The following NFATC3 variants were observed in gnomAD, a reference collection of about 807,000 sequenced individuals.
The protein encoded by NFATC3 is nuclear factor of activated T cells 3.
A neutral mutation model predicts 98.6 loss-of-function variants in NFATC3; 46 were observed. The ratio of observed to expected loss-of-function variants is 0.47; its 90% CI spans 0.37 to 0.60. The LOEUF (loss-of-function observed/expected upper bound fraction) is 0.60. NFATC3 is among the 20% of genes least tolerant of loss of function. The pLI is 0.00. For synonymous variants in NFATC3, 512 were observed against 472.2 expected, an observed-to-expected ratio of 1.08 and a Z score of -1.09; for missense variants, 1,256 against 1,295.5, an observed-to-expected ratio of 0.97 and a Z score of 0.47.
At chr16:68,128,038 T>C (rs2036932139) in intron 3 of NFATC3, among the ~76,000 whole-genome samples, 1 of 152,156 alleles carries the variant, frequency 6.6e-6, no homozygotes, top group Non-Finnish European at 1.5e-5. Flanking sequence ...TTGGATTCTA[T>C]GTTCCATGGG....
chr16:68,162,770 C>T (rs537926952), intron 4 of NFATC3, among the ~76,000 whole-genome samples: 1 of 150,278 alleles, frequency 6.7e-6, no homozygotes, highest in East Asian at 2.0e-4. Flanking sequence ...TTTAATTGAT[C>T]ATTCTTGGGT....
At chr16:68,089,280 T>C in intron 1 of NFATC3, 1 of 985,332 alleles carries the variant, frequency 1.0e-6, no homozygotes, top group Non-Finnish European at 1.2e-6. Context: ...AAGTGCTAAT[T>C]AGATGATGTG....
At chr16:68,205,326 C>A (rs988599623) in intron 9 of NFATC3, among the ~76,000 whole-genome samples, 15 of 152,110 alleles carry the variant, frequency 9.9e-5, no homozygotes, top group Admixed American at 3.3e-4. Flanking sequence ...TGGCTCACTG[C>A]AGCCTCGACC....
intron 9 of NFATC3, chr16:68,199,749 G>A: frequency 6.6e-6 from 1 of 151,258 alleles, no homozygotes; most frequent in Non-Finnish European, 1.5e-5. Context: ...ACCATGCCCG[G>A]CTAATTTTTT....
Position 68,226,426 on chromosome 16 carries a change from C to A in NFATC3, c.3183C>A (p.Leu1061=), listed in dbSNP as rs2042039696. The A allele has an allele frequency of 1.9e-6, 3 of 1,568,022 alleles. No homozygotes were observed. The South Asian group carries it at 3.6e-5, about 19-fold the overall frequency. Residue 1061 remains leucine (L), a synonymous_variant, in exon 10 of 10, where the codon CTC becomes CTA. Transcript: ENST00000346183. ...QGAGVSRQAP[L]PSPESLDLGR... is the part of the protein sequence containing the mutation. Reference sequence around the variant, plus strand: ...CAGGGGTGAGCAGGCAGGCTCCCCTCCCGAGTCCTGAGTCCCTGGATTTAG... The same window carrying A: ...CAGGGGTGAGCAGGCAGGCTCCCCTACCGAGTCCTGAGTCCCTGGATTTAG...
chr16:68,182,184 A>G (rs2039976612), intron 7 of NFATC3, among the ~76,000 whole-genome samples: 1 of 152,240 alleles, frequency 6.6e-6, no homozygotes, highest in South Asian at 2.1e-4. Context: ...GAGAAAGAAC[A>G]TATGTAGTGG....
At position 68,158,012 on chromosome 16, in the gene NFATC3, T is replaced by G. The variant is rs777560476; in HGVS notation, c.1545T>G (p.Ile515Met). Residue 515 changes from isoleucine (I) to methionine (M), a missense_variant, in exon 4 of 10, where the codon ATT (isoleucine) becomes ATG (methionine). Ile to Met is a conservative substitution (Grantham distance 10). Around this residue, in one of 3 missense-constraint regions of NFATC3, gnomAD observed 156 missense variants for 212.4 expected, o/e 0.73. Coordinates refer to ENST00000346183, the MANE Select transcript of NFATC3 (RefSeq NM_173165.3). ...CTACTGCAAGCCAAGAGATAATAATTGCCAGTACAAAAGTTCTGGAAATTC... is the reference window on the plus strand; with the variant it reads ...CTACTGCAAGCCAAGAGATAATAATGGCCAGTACAAAAGTTCTGGAAATTC... Reference protein sequence around the residue: ...TVATASQEIIIASTKVLEIPL... With the variant: ...TVATASQEIIMASTKVLEIPL... The G allele has an allele frequency of 6.2e-6, 10 of 1,613,764 alleles. No homozygotes were observed. The Admixed American group carries it at 8.3e-5, about 13-fold the overall frequency.
At chr16:68,148,509 A>G (rs890449324) in intron 3 of NFATC3, among the ~76,000 whole-genome samples, 7 of 152,234 alleles carry the variant, frequency 4.6e-5, no homozygotes, top group Admixed American at 6.5e-5. Flanking sequence ...AATGTAATAA[A>G]TTGAACAGGT....
Position 68,104,653 on chromosome 16 carries a change from G to GTTTTTTTTTTTTTTT in NFATC3, c.104-17332_104-17318dup, listed in dbSNP as rs778016298. ...GTTAGCTGTGGGCTTTTCACAAATG[G>GTTTTTTTTTTTTTTT]TTTTTTTTTTTTTTTTGAAATGGAG... On this transcript the variant is annotated intron_variant, in intron 1 of 9. Coordinates refer to ENST00000346183, the MANE Select transcript of NFATC3 (RefSeq NM_173165.3). Among the ~76,000 whole-genome samples, 67 of 126,672 alleles carry GTTTTTTTTTTTTTTT rather than the reference G, an allele frequency of 5.3e-4. 1 individual carries two copies. Among genetic ancestry groups the GTTTTTTTTTTTTTTT allele is most frequent in the African/African-American group, 1.9e-3 (62 of 31,838 alleles). 83.1% of individuals were successfully genotyped at this position (126,672 alleles called of 152,430 possible). A position where few individuals can be genotyped will look rare whatever the true frequency, so the allele number is the denominator to read the frequency against.
chr16:68,176,746 T>C (rs1024065730), intron 6 of NFATC3, among the ~76,000 whole-genome samples: 1 of 152,206 alleles, frequency 6.6e-6, no homozygotes, highest in Non-Finnish European at 1.5e-5. Flanking sequence ...GGATCATTTT[T>C]CATTTTCTTA....
rs75415292 is a variant in NFATC3, at chr16:68,096,354, T to C, written c.103+10570T>C. On this transcript the variant is annotated intron_variant, in intron 1 of 9. Coordinates refer to ENST00000346183, the MANE Select transcript of NFATC3 (RefSeq NM_173165.3). ...GTTGTTAAAGGATAAAATAGAAGAA[T>C]ATGTAGAAGAAGAGAAAGTAGTAAC... Among the ~76,000 whole-genome samples the C allele has an allele frequency of 6.9e-3, 1,055 of 152,276 alleles. 17 individuals are homozygous for C. Among genetic ancestry groups the C allele is most frequent in the African/African-American group, 0.024 (983 of 41,552 alleles).
At position 68,190,886 on chromosome 16, in the gene NFATC3, T is replaced by C. The variant is rs1427013881; in HGVS notation, c.2217T>C (p.Ser739=). 2.5e-6 allele frequency: 4 copies of C among 1,614,108 alleles called. No homozygotes were observed. In the East Asian group the frequency reaches 8.9e-5, roughly 36 times the overall value. Residue 739 remains serine (S), a synonymous_variant, in exon 9 of 10, where the codon AGT becomes AGC. Transcript: ENST00000346183. The part of the protein sequence containing the change: ...PSSDSGCSHD[S]VLSGQRSLIC... ...CTGATTCAGGGTGTTCACATGACAG[T>C]GTACTGTCAGGACAGAGAAGTTTGA...
At position 68,228,390 on chromosome 16, in the gene NFATC3, CTT is replaced by C. The variant is rs1199566568; in HGVS notation, c.*1922_*1923del. The C allele has an allele frequency of 6.6e-6, 1 of 152,170 alleles. No homozygotes were observed. Among genetic ancestry groups the C allele is most frequent in the Non-Finnish European group, 1.5e-5 (1 of 68,018 alleles). The allele number at this position is 152,170 out of a possible 1,614,324, so 9.4% of individuals were successfully genotyped here. ...AGAAATGGCCAGACTTGCCCCTACC[CTT>C]TTGCCCCTGGTGTAGCTGCCTCACA... On this transcript the variant is annotated 3_prime_UTR_variant, in exon 10 of 10. Transcript: ENST00000346183.
chr16:68,149,870 G>A (rs1488184304), intron 3 of NFATC3, among the ~76,000 whole-genome samples: 1 of 152,222 alleles, frequency 6.6e-6, no homozygotes, highest in East Asian at 1.9e-4. Context: ...AAAGTTGTCT[G>A]TGTAGACTAT....
At position 68,191,306 on chromosome 16, in the gene NFATC3, G is replaced by T. The variant is rs1375531608; in HGVS notation, c.2637G>T (p.Leu879=). 2 of 1,614,128 alleles carry T rather than the reference G, an allele frequency of 1.2e-6. No homozygotes were observed. The change falls in exon 9 of 10, where the codon CTG becomes CTT. Residue 879 remains leucine (L), a synonymous_variant. Transcript: ENST00000346183. The part of the protein sequence containing the change: ...TPHSVHTLPH[L]QSMGYHCSNT... ...ATTCTGTGCATACCCTGCCTCATCTGCAATCAATGGGATATCATTGTTCAA... is the reference window on the plus strand; with the variant it reads ...ATTCTGTGCATACCCTGCCTCATCTTCAATCAATGGGATATCATTGTTCAA...
At position 68,191,656 on chromosome 16, in the gene NFATC3, G is replaced by A. The variant is rs779789487; in HGVS notation, c.2987G>A (p.Ser996Asn). ...LSAPSSLICHSLCDPASFPPD... is the reference protein window; with the variant it reads ...LSAPSSLICHNLCDPASFPPD... ...GCACCTTCATCCTTAATATGTCACA[G>A]TTTGTGTGATCCAGCGTCATTTCCA... is the stretch of plus-strand genomic sequence containing the variant. The change falls in exon 9 of 10, where the codon AGT (serine) becomes AAT (asparagine). Residue 996 changes from serine (S) to asparagine (N), a missense_variant. This residue lies in a region of NFATC3 where 636 missense variants were observed against 617.3 expected (regional missense o/e 1.03). Transcript: ENST00000346183. 4.3e-6 allele frequency: 7 copies of A among 1,614,016 alleles called. No individual in the cohort carries two copies. The Admixed American group carries it at 6.7e-5, about 15-fold the overall frequency.
chr16:68,142,850 ACTT>A (rs781147862), intron 3 of NFATC3, among the ~76,000 whole-genome samples: 7 of 152,000 alleles, frequency 4.6e-5, no homozygotes, highest in Non-Finnish European at 1.0e-4. Flanking sequence ...AGATAGTTTG[ACTT>A]CTTCTTTTCC....
At chr16:68,193,273 G>A (rs1040081339) in intron 9 of NFATC3, among the ~76,000 whole-genome samples, 1 of 151,948 alleles carries the variant, frequency 6.6e-6, no homozygotes, top group African/African-American at 2.4e-5. Context: ...GGTATGGGGG[G>A]GTTGTATGGT....
chr16:68,167,077 TTATAA>T lies in NFATC3; in HGVS notation c.1774+64_1774+68del, dbSNP rs1283965326. ...TATAATAGCTTATTTTCTGTTTTACTTATAATGTAATGTATGCGTCTGAAGTGCAA... is the reference window on the plus strand; with the variant it reads ...TATAATAGCTTATTTTCTGTTTTACTTGTAATGTATGCGTCTGAAGTGCAA... On this transcript the variant is annotated intron_variant, in intron 5 of 9. Coordinates refer to ENST00000346183, the MANE Select transcript of NFATC3 (RefSeq NM_173165.3). The T allele has an allele frequency of 2.2e-5, 33 of 1,529,548 alleles. 1 individual carries two copies. The highest frequency in any genetic ancestry group is 2.4e-5 in the South Asian group (2 of 83,262). 94.7% of individuals were successfully genotyped at this position (1,529,548 alleles called of 1,614,324 possible).
Sources: gnomAD v4.1 joint callset for allele counts (sites outside exome capture counted in the v4.1 genomes callset) on GRCh38, gnomAD v4.1.1 for gene constraint, gnomAD v4.1.1 regional missense constraint, MANE v1.5 for transcripts, NCBI Gene and HGNC (gene_info 2026-07-23, HGNC 2026-07-21) for gene names.